MET: variants seen among roughly 807,000 people sequenced by gnomAD.
The protein encoded by MET is hepatocyte growth factor receptor.
Under a neutral mutation model 133.1 loss-of-function variants are expected in MET, and 48 were observed. The ratio of observed to expected loss-of-function variants is 0.36; its 90% CI spans 0.29 to 0.46. The LOEUF is 0.46. Among genes scored for constraint, MET ranks in the 20% least tolerant of loss-of-function variants. MET has a pLI of 1.00. For missense variants in MET, 1,442 were observed against 1,695.9 expected (o/e 0.85, Z 2.63); for synonymous variants, 628 against 616.5 (o/e 1.02, Z -0.28).
At chr7:116,793,760 A>G (rs1006639540) in intron 19 of MET, among the ~76,000 whole-genome samples, 1 of 151,794 alleles carries the variant, frequency 6.6e-6, no homozygotes, top group African/African-American at 2.4e-5. Context: ...TTAGCCTGGC[A>G]TGGTGGCAGG....
Position 116,699,825 on chromosome 7 carries a change from T to A in MET, c.741T>A (p.Ile247=). The part of the protein sequence containing the change: ...VLPEFRDSYP[I]KYVHAFESNN... ...CTGAGTTCAGAGATTCTTACCCCAT[T>A]AAGTATGTCCATGCCTTTGAAAGCA... Residue 247 remains isoleucine (I), a synonymous_variant, in exon 2 of 21, where the codon ATT becomes ATA. Transcript: ENST00000397752. 1 of 1,614,094 alleles carries A rather than the reference T, an allele frequency of 6.2e-7. No individual in the cohort carries two copies. Among genetic ancestry groups the A allele is most frequent in the Non-Finnish European group, 8.5e-7 (1 of 1,179,964 alleles).
intron 5 of MET, chr7:116,741,252 C>A (rs1793443673): frequency 1.8e-6 from 1 of 553,028 alleles, no homozygotes; most frequent in East Asian, 3.3e-5. Context: ...CCCCCCAAGT[C>A]CTGCACCTGA....
intron 2 of MET, among the ~76,000 whole-genome samples, chr7:116,730,366 A>G (rs1344280412): frequency 6.6e-6 from 1 of 152,230 alleles, no homozygotes; most frequent in African/African-American, 2.4e-5. Context: ...CATACAGTCC[A>G]TGTTAAAAAA....
chr7:116,751,618 G>A (rs1334105614), intron 5 of MET, among the ~76,000 whole-genome samples: 2 of 152,112 alleles, frequency 1.3e-5, no homozygotes, highest in African/African-American at 4.8e-5. Flanking sequence ...TTCTAGATAT[G>A]AGAGATTTCA....
intron 1 of MET, among the ~76,000 whole-genome samples, chr7:116,698,574 A>G (rs1431448460): frequency 6.6e-6 from 1 of 152,178 alleles, no homozygotes; most frequent in Non-Finnish European, 1.5e-5. Flanking sequence ...AAGGAAGCTA[A>G]ATTTAGCCTA....
At chr7:116,723,919 G>A (rs1475558388) in intron 2 of MET, among the ~76,000 whole-genome samples, 1 of 152,238 alleles carries the variant, frequency 6.6e-6, no homozygotes, top group Non-Finnish European at 1.5e-5. Flanking sequence ...GTCTGCAGAG[G>A]TTACTGCTGT....
At chr7:116,795,853 G>A (rs1795653182) in intron 20 of MET, 34 bp from the exon 21 acceptor site, 1 of 1,614,082 alleles carries the variant, frequency 6.2e-7, no homozygotes, top group South Asian at 1.1e-5. Context: ...GCCTTCAAAG[G>A]GTCTCTTACA....
At chr7:116,710,917 G>T (rs1791971874) in intron 2 of MET, among the ~76,000 whole-genome samples, 1 of 152,126 alleles carries the variant, frequency 6.6e-6, no homozygotes, top group Non-Finnish European at 1.5e-5. Context: ...AGATATGAAA[G>T]CTTCCCCTGC....
chr7:116,685,018 G>T (rs1007749382), intron 1 of MET, among the ~76,000 whole-genome samples: 1 of 152,106 alleles, frequency 6.6e-6, no homozygotes, highest in African/African-American at 2.4e-5. Context: ...TTTGTAGGTG[G>T]GTGTCAAAGA....
intron 2 of MET, among the ~76,000 whole-genome samples, chr7:116,725,384 G>T (rs1217998648): frequency 2.0e-5 from 3 of 151,270 alleles, no homozygotes; most frequent in Non-Finnish European, 1.5e-5. Context: ...AGTTGGGGTG[G>T]GGAAAATTCT....
chr7:116,743,867 G>T (rs536164942), intron 5 of MET, among the ~76,000 whole-genome samples: 1 of 152,316 alleles, frequency 6.6e-6, no homozygotes, highest in African/African-American at 2.4e-5. Flanking sequence ...CTGTTCTACA[G>T]CCTCTGCTAG....
chr7:116,795,563 AG>A (rs1240429691), intron 19 of MET, 91 bp from the exon 20 acceptor site: 1 of 1,573,788 alleles, frequency 6.4e-7, no homozygotes, highest in Non-Finnish European at 8.7e-7. Context: ...GAGTATGTAA[AG>A]CCAAGTTTAG....
intron 9 of MET, 71 bp downstream of exon 9, chr7:116,758,691 G>T: frequency 6.7e-7 from 1 of 1,486,338 alleles, no homozygotes. Context: ...GAATAGTCAA[G>T]AGGAATTGCA....
chr7:116,726,659 C>T (rs1202655454), intron 2 of MET, among the ~76,000 whole-genome samples: 3 of 152,118 alleles, frequency 2.0e-5, no homozygotes, highest in African/African-American at 4.8e-5. Flanking sequence ...GGTCTTGACT[C>T]GGGATAACCA....
chr7:116,680,116 G>A (rs1427404223), intron 1 of MET, among the ~76,000 whole-genome samples: 1 of 152,074 alleles, frequency 6.6e-6, no homozygotes. Context: ...TGTGTTAATA[G>A]GGTCTTAAAA....
intron 2 of MET, among the ~76,000 whole-genome samples, chr7:116,718,232 C>T (rs887176980): frequency 3.5e-4 from 53 of 151,894 alleles, no homozygotes; most frequent in African/African-American, 1.3e-3. Context: ...AATAAAAATA[C>T]AAAAAAGTTA....
chr7:116,731,715 T>C lies in MET; in HGVS notation c.1248T>C (p.Tyr416=), dbSNP rs745726656. 6.2e-7 allele frequency: 1 copy of C among 1,614,152 alleles called. No homozygotes were observed. Among genetic ancestry groups the C allele is most frequent in the Non-Finnish European group, 8.5e-7 (1 of 1,179,990 alleles). Residue 416 remains tyrosine (Y), a synonymous_variant, in exon 3 of 21, where the codon TAT becomes TAC. Coordinates refer to ENST00000397752, the MANE Select transcript of MET (RefSeq NM_000245.4). ...GCTGTGAAGCGCGCCGTGATGAATATCGAACAGAGTTTACCACAGCTTTGC... is the reference window on the plus strand; with the variant it reads ...GCTGTGAAGCGCGCCGTGATGAATACCGAACAGAGTTTACCACAGCTTTGC... ...SSGCEARRDE[Y]RTEFTTALQR...
At position 116,717,244 on chromosome 7, in the gene MET, A is replaced by G. The variant is rs75311991; in HGVS notation, c.1201-14424A>G. Among the ~76,000 whole-genome samples, 764 of 152,332 alleles carry G rather than the reference A, an allele frequency of 5.0e-3. 8 individuals carry two copies. Among genetic ancestry groups the G allele is most frequent in the African/African-American group, 0.018 (737 of 41,570 alleles). On this transcript the variant is annotated intron_variant, in intron 2 of 20. Coordinates refer to ENST00000397752, the MANE Select transcript of MET (RefSeq NM_000245.4). ...GAGCTGACTCTTCTGTATTTTACAG[A>G]CAATTCTGAATTCAATGTCAACATC... is the stretch of plus-strand genomic sequence containing the variant.
At chr7:116,792,365 C>G (rs1281654180) in intron 19 of MET, among the ~76,000 whole-genome samples, 3 of 151,952 alleles carry the variant, frequency 2.0e-5, no homozygotes, top group South Asian at 4.2e-4. Flanking sequence ...TGATAGCGCT[C>G]TCATGGCTTG....
Sources: allele counts gnomAD v4.1 joint callset (sites outside exome capture counted in the v4.1 genomes callset), GRCh38; gene constraint gnomAD v4.1.1; transcripts MANE v1.5; gene names NCBI Gene and HGNC (gene_info 2026-07-23, HGNC 2026-07-21).